DISC1: variants seen among roughly 807,000 people sequenced by gnomAD.
DISC1 encodes the protein DISC1 scaffold protein, also known as disrupted in schizophrenia 1 protein.
In DISC1, 57 loss-of-function variants were observed where a neutral mutation model predicts 84.5. The ratio of observed to expected loss-of-function variants is 0.67; its 90% confidence interval spans 0.55 to 0.84. The LOEUF is 0.84. Among genes scored for constraint, DISC1 ranks in the 40% least tolerant of loss-of-function variants. DISC1 has a pLI of 0.00. For synonymous variants in DISC1, 411 were observed against 415.2 expected, an observed-to-expected ratio of 0.99 and a Z score of 0.12; for missense variants, 1,000 against 1,057.8, an observed-to-expected ratio of 0.95 and a Z score of 0.76.
intron 1 of DISC1, among the ~76,000 whole-genome samples, chr1:231,645,951 T>A (rs1365805728): frequency 2.0e-5 from 3 of 151,390 alleles, no homozygotes; most frequent in Non-Finnish European, 4.4e-5. Flanking sequence ...TTTCTAGAAC[T>A]ACAGAGAAGA....
chr1:231,923,533 G>A (rs2126086312), intron 9 of DISC1, among the ~76,000 whole-genome samples: 1 of 152,292 alleles, frequency 6.6e-6, no homozygotes, highest in South Asian at 2.1e-4. Context: ...TTGGGGCCTA[G>A]AAAGGAATCC....
At chr1:231,868,915 C>T (rs568218702) in intron 9 of DISC1, among the ~76,000 whole-genome samples, 65 of 148,044 alleles carry the variant, frequency 4.4e-4, no homozygotes, top group African/African-American at 1.5e-3. Flanking sequence ...AAAGAGTTAC[C>T]GGTTATACAT....
At chr1:231,966,770 T>C (rs959274809) in intron 10 of DISC1, among the ~76,000 whole-genome samples, 2 of 152,266 alleles carry the variant, frequency 1.3e-5, no homozygotes, top group African/African-American at 4.8e-5. Context: ...CCTTGTCCTC[T>C]AGTGAACCTT....
At chr1:231,653,808 GT>G (rs1482293250) in intron 1 of DISC1, among the ~76,000 whole-genome samples, 1 of 152,086 alleles carries the variant, frequency 6.6e-6, no homozygotes, top group Non-Finnish European at 1.5e-5. Flanking sequence ...GATCCTTGTG[GT>G]TTGATGACTT....
intron 3 of DISC1, among the ~76,000 whole-genome samples, chr1:231,708,834 T>G (rs1279801105): frequency 4.0e-5 from 6 of 151,202 alleles, no homozygotes; most frequent in Non-Finnish European, 7.4e-5. Context: ...AAGGAACAGA[T>G]GAGCGCTCTA....
chr1:231,975,577 A>G (rs1434874886), intron 10 of DISC1, among the ~76,000 whole-genome samples: 1 of 152,228 alleles, frequency 6.6e-6, no homozygotes, highest in Non-Finnish European at 1.5e-5. Flanking sequence ...GGGTGATTGG[A>G]TAAAGAGAAT....
chr1:231,830,709 A>G (rs1432229222), intron 9 of DISC1, among the ~76,000 whole-genome samples: 1 of 152,242 alleles, frequency 6.6e-6, no homozygotes, highest in Non-Finnish European at 1.5e-5. Flanking sequence ...CTGGGGCCTA[A>G]TAAAAAGGAG....
intron 9 of DISC1, among the ~76,000 whole-genome samples, chr1:231,910,340 C>T (rs2089090592): frequency 6.6e-6 from 1 of 152,182 alleles, no homozygotes; most frequent in South Asian, 2.1e-4. Flanking sequence ...CTACACACTG[C>T]TTTAAATGTG....
chr1:231,646,455 A>G (rs554757163), intron 1 of DISC1, among the ~76,000 whole-genome samples: 2 of 152,172 alleles, frequency 1.3e-5, no homozygotes, highest in South Asian at 2.1e-4. Flanking sequence ...ATAGTGCTGC[A>G]TATAAACATA....
chr1:231,675,851 CT>C lies in DISC1; in HGVS notation c.68-17959del, dbSNP rs201559788. Among the ~76,000 whole-genome samples the C allele has an allele frequency of 0.11, 14,487 of 137,510 alleles. 1,327 individuals are homozygous for C. Among genetic ancestry groups the C allele is most frequent in the African/African-American group, 0.28 (10,350 of 37,402 alleles). 90.2% of individuals were successfully genotyped at this position (137,510 alleles called of 152,430 possible). On this transcript the variant is annotated intron_variant, in intron 1 of 12. Coordinates refer to ENST00000439617, the MANE Select transcript of DISC1 (RefSeq NM_018662.3). This position sits in a 1 kb window ranked among gnomAD's most constrained non-coding sequence, Gnocchi z 4.1. ...GTATATTGTATTTGTTTTTTCTTTT[CT>C]TTTTTTTTTTTTTTTGACACAGAAT...
intron 9 of DISC1, among the ~76,000 whole-genome samples, chr1:231,937,968 C>A (rs1003892086): frequency 6.6e-6 from 1 of 152,006 alleles, no homozygotes; most frequent in Admixed American, 6.6e-5. Flanking sequence ...ATAGACATCT[C>A]CTCCCGGGGG....
At chr1:231,890,671 G>A (rs780094624) in intron 9 of DISC1, among the ~76,000 whole-genome samples, 16 of 152,206 alleles carry the variant, frequency 1.1e-4, no homozygotes, top group Non-Finnish European at 2.2e-4. Flanking sequence ...GCACAGTAGT[G>A]TGTGGGTATA....
At position 231,897,162 on chromosome 1, in the gene DISC1, T is replaced by C. The variant is rs2087758083; in HGVS notation, c.1982-61666T>C. ...GACATTGGAGGTACATCTTGAAGGA[T>C]GAGTGGGATTTCAACAGACAGAGGC... On this transcript the variant is annotated intron_variant, in intron 9 of 12. Coordinates refer to ENST00000439617, the MANE Select transcript of DISC1 (RefSeq NM_018662.3). The surrounding 1 kb of genome is among the most constrained non-coding windows in gnomAD (Gnocchi z 4.5). 6.6e-6 allele frequency among the ~76,000 whole-genome samples: 1 copy of C among 152,066 alleles called. No individual in the cohort carries two copies. Among genetic ancestry groups the C allele is most frequent in the Non-Finnish European group, 1.5e-5 (1 of 67,998 alleles).
rs1253420274 is a variant in DISC1 at position 231,830,504 on chromosome 1, C to T, written c.1981+11987C>T. Among the ~76,000 whole-genome samples, 6 of 152,214 alleles carry T rather than the reference C, an allele frequency of 3.9e-5. No individual in the cohort carries two copies. In the East Asian group the frequency reaches 5.8e-4, roughly 15 times the overall value. ...ATTTATTTACTTCAAAAGTTAAGAG[C>T]GGCAGTTTGGGGATAGCACCAGGAG... On this transcript the variant is annotated intron_variant, in intron 9 of 12. Transcript: ENST00000439617.
chr1:231,787,021 G>A (rs954406656), intron 6 of DISC1, among the ~76,000 whole-genome samples: 3 of 152,214 alleles, frequency 2.0e-5, no homozygotes, highest in African/African-American at 2.4e-5. Context: ...GTGGCAGAGA[G>A]CAAGGAAGGC....
intron 3 of DISC1, among the ~76,000 whole-genome samples, chr1:231,742,935 A>G (rs201730872): frequency 2.0e-5 from 3 of 152,178 alleles, no homozygotes; most frequent in Non-Finnish European, 2.9e-5. Context: ...TTTGATGCCT[A>G]CCCTTTTGAA....
At chr1:231,658,011 G>A (rs1005363569) in intron 1 of DISC1, among the ~76,000 whole-genome samples, 3 of 152,172 alleles carry the variant, frequency 2.0e-5, no homozygotes, top group Admixed American at 6.5e-5. Flanking sequence ...TTCTAATTCT[G>A]TGAAGAATGT....
chr1:231,873,434 C>T (rs1425877721), intron 9 of DISC1, among the ~76,000 whole-genome samples: 2 of 152,218 alleles, frequency 1.3e-5, no homozygotes. Context: ...TGACTAGCGC[C>T]CCTTCCTGTG....
intron 9 of DISC1, among the ~76,000 whole-genome samples, chr1:231,911,801 T>C (rs1220639436): frequency 6.6e-6 from 1 of 152,234 alleles, no homozygotes; most frequent in Non-Finnish European, 1.5e-5. Flanking sequence ...CCCATTACTT[T>C]CAGGTACACC....
Sources: allele counts gnomAD v4.1 joint callset (sites outside exome capture counted in the v4.1 genomes callset), GRCh38; gene constraint gnomAD v4.1.1; non-coding constraint Gnocchi (gnomAD v3.1); transcripts MANE v1.5; gene names NCBI Gene and HGNC (gene_info 2026-07-23, HGNC 2026-07-21).